MTO1: variants seen among roughly 807,000 people sequenced by gnomAD.
The protein encoded by MTO1 is mitochondrial tRNA translation optimization 1, also known as 5-taurinomethyluridine-[tRNA] synthase subunit MTO1, mitochondrial.
A neutral mutation model predicts 71.6 loss-of-function variants in MTO1; 46 were observed. The observed-to-expected ratio is 0.64, with a 90% confidence interval of 0.51 to 0.82. The LOEUF (loss-of-function observed/expected upper bound fraction) is 0.82, where lower values mean the gene tolerates loss of function less well. Ranked by LOEUF, MTO1 falls within the 40% of genes least tolerant of loss-of-function variation. MTO1 has a pLI of 0.00. For missense variants in MTO1, 773 were observed against 867.5 expected, an observed-to-expected ratio of 0.89 and a Z score of 1.37; for synonymous variants, 297 against 312.1, an observed-to-expected ratio of 0.95 and a Z score of 0.51.
intron 3 of MTO1, among the ~76,000 whole-genome samples, chr6:73,467,066 C>A (rs1771020183): frequency 6.6e-6 from 1 of 152,116 alleles, no homozygotes; most frequent in African/African-American, 2.4e-5. Context: ...GTAATCCTAG[C>A]ACTTTGGGAG....
chr6:73,465,310 C>A (rs1421429688), intron 1 of MTO1, among the ~76,000 whole-genome samples: 1 of 151,786 alleles, frequency 6.6e-6, no homozygotes, highest in Non-Finnish European at 1.5e-5. Context: ...ATTACAGGTG[C>A]AAACTGCCAT....
intron 10 of MTO1, among the ~76,000 whole-genome samples, 153 bp downstream of exon 10, chr6:73,492,505 G>A (rs1771840692): frequency 6.6e-6 from 1 of 152,044 alleles, no homozygotes; most frequent in Admixed American, 6.6e-5. Flanking sequence ...ACACCTACAA[G>A]CTTGTTAGAA....
At chr6:73,488,728 G>T (rs993322390) in intron 9 of MTO1, among the ~76,000 whole-genome samples, 6 of 151,246 alleles carry the variant, frequency 4.0e-5, no homozygotes, top group Non-Finnish European at 7.4e-5. Flanking sequence ...GGCCAGTGTG[G>T]CAAAACCCCA....
Position 73,507,118 on chromosome 6 carries a change from C to G in MTO1, c.*6383C>G, listed in dbSNP as rs1212431126. The G allele has an allele frequency of 6.6e-6, 1 of 151,820 alleles. No individual in the cohort carries two copies. The highest frequency in any genetic ancestry group is 1.5e-5 in the Non-Finnish European group (1 of 67,988). 9.4% of individuals were successfully genotyped at this position (151,820 alleles called of 1,614,324 possible). ...ACTGGCAGCATTTGTGACTGAAAAA[C>G]ATCTTAGATGCAATGAAATACAGTG... On this transcript the variant is annotated 3_prime_UTR_variant, in exon 12 of 12. Coordinates refer to ENST00000498286, the MANE Select transcript of MTO1 (RefSeq NM_012123.4).
chr6:73,468,580 G>T (rs1406626558), intron 3 of MTO1, among the ~76,000 whole-genome samples: 5 of 151,582 alleles, frequency 3.3e-5, no homozygotes, highest in African/African-American at 1.2e-4. Context: ...TCTTATGCTT[G>T]GTTTTGCCTT....
Position 73,473,490 on chromosome 6 carries a change from T to C in MTO1, c.661T>C (p.Leu221=). ...TTTAGGGGATCAGCCTTCTATAGGA[T>C]TGGCTCAGACACTGGAGAAGTTAGG... The part of the protein sequence containing the change: ...GRLGDQPSIG[L]AQTLEKLGFV... Residue 221 remains leucine, a synonymous_variant, in exon 4 of 12, where the codon TTG becomes CTG. Coordinates refer to ENST00000498286, the MANE Select transcript of MTO1 (RefSeq NM_012123.4). 2 of 1,614,098 alleles carry C rather than the reference T, an allele frequency of 1.2e-6. No individual in the cohort carries two copies. The highest frequency in any genetic ancestry group is 1.7e-6 in the Non-Finnish European group (2 of 1,180,028).
At chr6:73,479,312 T>C (rs1355803452) in intron 4 of MTO1, among the ~76,000 whole-genome samples, 1 of 151,822 alleles carries the variant, frequency 6.6e-6, no homozygotes, top group Middle Eastern at 3.2e-3. Context: ...CTGGCCAACA[T>C]GGTGAAACTC....
intron 4 of MTO1, among the ~76,000 whole-genome samples, chr6:73,476,084 T>C (rs879600012): frequency 4.0e-5 from 6 of 151,652 alleles, no homozygotes; most frequent in Non-Finnish European, 8.8e-5. Context: ...AACCCTCAGC[T>C]GGGCGTGGTG....
Position 73,500,849 on chromosome 6 carries a change from G to T in MTO1, c.*114G>T. 1.1e-6 allele frequency: 1 copy of T among 937,830 alleles called. No individual in the cohort carries two copies. The highest frequency in any genetic ancestry group is 1.4e-6 in the Non-Finnish European group (1 of 696,790). 58.1% of individuals were successfully genotyped at this position (937,830 alleles called of 1,614,324 possible). A position where few individuals can be genotyped will look rare whatever the true frequency, so the allele number is the denominator to read the frequency against. On this transcript the variant is annotated 3_prime_UTR_variant, in exon 12 of 12. Transcript: ENST00000498286. ...AAATAGCTTTATTAGGTTACTATGG[G>T]TTTGCCATTAATTTCTGAGTGGGAC...
chr6:73,480,111 A>G lies in MTO1; in HGVS notation c.1114A>G (p.Lys372Glu). 1.2e-6 allele frequency: 2 copies of G among 1,613,958 alleles called. No homozygotes were observed. The highest frequency in any genetic ancestry group is 4.5e-5 in the East Asian group (2 of 44,874). Residue 372 changes from lysine to glutamate, a missense_variant, in exon 6 of 12, where the codon AAA (lysine) becomes GAA (glutamate). Transcript: ENST00000498286. Reference protein sequence around the residue: ...ITCIRGLEKAKVIQPGYGVQY... With the variant: ...ITCIRGLEKAEVIQPGYGVQY... Reference sequence around the variant, plus strand: ...ATGCATCAGAGGCTTGGAGAAAGCTAAAGTGATTCAGCCAGGTAAAGAAGA... The same window carrying G: ...ATGCATCAGAGGCTTGGAGAAAGCTGAAGTGATTCAGCCAGGTAAAGAAGA...
chr6:73,491,167 C>T (rs1771791685), intron 9 of MTO1, among the ~76,000 whole-genome samples: 1 of 151,894 alleles, frequency 6.6e-6, no homozygotes, highest in Non-Finnish European at 1.5e-5. Flanking sequence ...GCCATGGAGG[C>T]TTTAGCCCAT....
intron 9 of MTO1, chr6:73,486,713 G>T (rs1174816922): frequency 1.0e-5 from 3 of 291,982 alleles, no homozygotes; most frequent in African/African-American, 6.8e-5. Context: ...ACCCAAACCT[G>T]AGGGACAAGA....
At chr6:73,472,702 A>G (rs1771188120) in intron 3 of MTO1, among the ~76,000 whole-genome samples, 1 of 113,350 alleles carries the variant, frequency 8.8e-6, no homozygotes, top group African/African-American at 2.9e-5. Flanking sequence ...AAGGGAGTAG[A>G]TCATAAGTGT....
In MTO1 at chr6:73,480,809, A is replaced by G. The variant is rs1483242650; in HGVS notation, c.1260+4A>G. 1 of 1,613,600 alleles carries G rather than the reference A, an allele frequency of 6.2e-7. No individual in the cohort carries two copies. On this transcript the variant is annotated splice_donor_region_variant and intron_variant, in intron 7 of 11. Coordinates refer to ENST00000498286, the MANE Select transcript of MTO1 (RefSeq NM_012123.4). ...TTATGAGGAAGCTGCAGCTCAAGTA[A>G]GAAGTTAAGATATTAATGTAAACTG...
intron 3 of MTO1, chr6:73,471,786 A>G (rs1666587331): frequency 1.2e-5 from 2 of 163,954 alleles, no homozygotes; most frequent in Admixed American, 6.3e-5. Flanking sequence ...AACAATAACA[A>G]TTTTTTTGTG....
At chr6:73,473,684 A>G in intron 4 of MTO1, 30 bp downstream of exon 4, 1 of 1,564,414 alleles carries the variant, frequency 6.4e-7, no homozygotes, top group Non-Finnish European at 8.7e-7. Context: ...CCTGGCTTAC[A>G]GCTGGTATTG....
Position 73,502,545 on chromosome 6 carries a change from A to G in MTO1, c.*1810A>G, listed in dbSNP as rs1198894374. ...AAACTTTTTTTTCTGATTAAATACA[A>G]GAGTAAAAAAAGTGAATGGAGTGCC... On this transcript the variant is annotated 3_prime_UTR_variant, in exon 12 of 12. Coordinates refer to ENST00000498286, the MANE Select transcript of MTO1 (RefSeq NM_012123.4). 1 of 152,212 alleles carries G rather than the reference A, an allele frequency of 6.6e-6. No individual in the cohort carries two copies. Among genetic ancestry groups the G allele is most frequent in the Non-Finnish European group, 1.5e-5 (1 of 68,030 alleles). The allele number at this position is 152,212 out of a possible 1,614,324, so 9.4% of individuals were successfully genotyped here.
chr6:73,494,600 CT>C (rs1771929091), intron 10 of MTO1, among the ~76,000 whole-genome samples: 1 of 150,222 alleles, frequency 6.7e-6, no homozygotes, highest in Non-Finnish European at 1.5e-5. Flanking sequence ...CCTCAGCCTC[CT>C]GAGTAGCTGT....
At chr6:73,468,373 C>T (rs562765484) in intron 3 of MTO1, among the ~76,000 whole-genome samples, 3 of 152,146 alleles carry the variant, frequency 2.0e-5, no homozygotes, top group South Asian at 2.1e-4. Flanking sequence ...CCCACCTCAG[C>T]GTCTGAAAAT....
Sources: gnomAD v4.1 joint callset for allele counts (sites outside exome capture counted in the v4.1 genomes callset) on GRCh38, gnomAD v4.1.1 for gene constraint, MANE v1.5 for transcripts, NCBI Gene and HGNC (gene_info 2026-07-23, HGNC 2026-07-21) for gene names.